Variants in GREB1 observed in about 807,000 individuals in gnomAD.
GREB1 encodes the protein protein GREB1.
In GREB1, 106 loss-of-function variants were observed where a neutral mutation model predicts 200.7. The observed-to-expected ratio is 0.53, with a 90% CI of 0.45 to 0.62. The LOEUF is 0.62. GREB1 is among the 20% of genes least tolerant of loss of function. The pLI, the probability that GREB1 is intolerant of heterozygous loss-of-function variation, is 0.00. For synonymous variants in GREB1, 1,132 were observed against 1,092.4 expected, an observed-to-expected ratio of 1.04 and a Z score of -0.72; for missense variants, 2,243 against 2,556.8, an observed-to-expected ratio of 0.88 and a Z score of 2.65.
intron 2 of GREB1, chr2:11,561,358 GA>G (rs1483200875): frequency 1.5e-5 from 2 of 129,948 alleles, no homozygotes; most frequent in Non-Finnish European, 3.0e-5. Context: ...TTCCCTTGGG[GA>G]TATTTTTTTT....
intron 1 of GREB1, among the ~76,000 whole-genome samples, chr2:11,518,961 G>A (rs1166596487): frequency 2.0e-5 from 3 of 151,750 alleles, no homozygotes; most frequent in African/African-American, 7.3e-5. Flanking sequence ...TTAGTTGGGC[G>A]TGGTGGTAGG....
intron 17 of GREB1, among the ~76,000 whole-genome samples, chr2:11,607,585 C>CATATATACAT: frequency 9.7e-6 from 1 of 102,608 alleles, no homozygotes; most frequent in East Asian, 2.5e-4. Context: ...CACATATATA[C>CATATATACAT]ATATATACAT....
rs1445553665 is a variant in GREB1 at position 11,610,685 on chromosome 2, C to A, written c.2667-3C>A. 9 of 1,604,958 alleles carry A rather than the reference C, an allele frequency of 5.6e-6. No homozygotes were observed. Among genetic ancestry groups the A allele is most frequent in the Non-Finnish European group, 7.7e-6 (9 of 1,175,026 alleles). On this transcript the variant is annotated splice_polypyrimidine_tract_variant and splice_region_variant and intron_variant, in intron 17 of 32. Transcript: ENST00000381486. ...AGACATGGTCTCTCTGTGTTCCTTGCAGGTTCCCCCGCCTGCACAGCGCGG... is the reference window on the plus strand; with the variant it reads ...AGACATGGTCTCTCTGTGTTCCTTGAAGGTTCCCCCGCCTGCACAGCGCGG...
intron 3 of GREB1, among the ~76,000 whole-genome samples, chr2:11,564,353 A>C (rs889396427): frequency 2.6e-5 from 4 of 152,108 alleles, no homozygotes; most frequent in African/African-American, 9.7e-5. Flanking sequence ...TAGTGTCCAA[A>C]TATTTAAAAG....
intron 19 of GREB1, among the ~76,000 whole-genome samples, chr2:11,613,720 C>T (rs1683137544): frequency 6.6e-6 from 1 of 152,198 alleles, no homozygotes; most frequent in Non-Finnish European, 1.5e-5. Context: ...TAAATTTTAG[C>T]AAGCATTTGC....
chr2:11,596,771 GTGA>G (rs1482418852), intron 13 of GREB1, among the ~76,000 whole-genome samples: 12 of 125,958 alleles, frequency 9.5e-5, no homozygotes, highest in African/African-American at 3.8e-4. Context: ...GGTGTACACA[GTGA>G]GGGGGGTGGG....
chr2:11,605,813 A>G (rs1295843869), intron 17 of GREB1, among the ~76,000 whole-genome samples: 4 of 152,200 alleles, frequency 2.6e-5, no homozygotes. Flanking sequence ...CTAGAATAGA[A>G]TACTATCGTA....
chr2:11,616,166 A>G (rs1018088438), intron 20 of GREB1, among the ~76,000 whole-genome samples: 1 of 152,220 alleles, frequency 6.6e-6, no homozygotes. Flanking sequence ...TGCACTGAGC[A>G]CTGGCCCACG....
chr2:11,610,974 G>A lies in GREB1; in HGVS notation c.2953G>A (p.Gly985Ser), dbSNP rs1322347459. ...ALEEHFEIILGSPSSGVTVGK... is the reference protein window; with the variant it reads ...ALEEHFEIILSSPSSGVTVGK... ...GGAGGAGCACTTTGAGATCATCCTG[G>A]GCAGTCCCAGCTCAGGCGTCACCGT... The change falls in exon 18 of 33, where the codon GGC becomes AGC. Residue 985 changes from glycine to serine, a missense_variant. This residue lies in a region of GREB1 where 1,178 missense variants were observed against 1,387.4 expected (regional missense o/e 0.85). Coordinates refer to ENST00000381486, the MANE Select transcript of GREB1 (RefSeq NM_014668.4). 6.2e-7 allele frequency: 1 copy of A among 1,607,870 alleles called. No homozygotes were observed. Among genetic ancestry groups the A allele is most frequent in the Non-Finnish European group, 8.5e-7 (1 of 1,177,500 alleles).
At chr2:11,591,254 A>T in intron 10 of GREB1, 1 of 610,290 alleles carries the variant, frequency 1.6e-6, no homozygotes, top group East Asian at 2.9e-5. Context: ...AAATTCTGGC[A>T]CGGCCCACAG....
intron 18 of GREB1, among the ~76,000 whole-genome samples, chr2:11,611,435 C>T (rs957414079): frequency 6.6e-6 from 1 of 152,158 alleles, no homozygotes; most frequent in Non-Finnish European, 1.5e-5. Context: ...ACCTCAGGCT[C>T]CTGAGTAGCT....
At chr2:11,545,413 T>A (rs1317881431) in intron 1 of GREB1, among the ~76,000 whole-genome samples, 1 of 152,188 alleles carries the variant, frequency 6.6e-6, no homozygotes, top group East Asian at 1.9e-4. Flanking sequence ...ACTACAGGCA[T>A]GAGCCACTGC....
chr2:11,638,943 C>A, intron 32 of GREB1, 134 bp downstream of exon 32: 1 of 878,904 alleles, frequency 1.1e-6, no homozygotes, highest in Non-Finnish European at 1.7e-6. Flanking sequence ...AAGTGACTGC[C>A]TCAGCCACCC....
Position 11,578,205 on chromosome 2 carries a change from T to C in GREB1, c.638-92T>C, listed in dbSNP as rs538098096. 10 of 1,381,306 alleles carry C rather than the reference T, an allele frequency of 7.2e-6. No individual in the cohort carries two copies. The South Asian group carries it at 1.2e-4, about 16-fold the overall frequency. The allele number at this position is 1,381,306 out of a possible 1,614,324, so 85.6% of individuals were successfully genotyped here. On this transcript the variant is annotated intron_variant, in intron 5 of 32. Coordinates refer to ENST00000381486, the MANE Select transcript of GREB1 (RefSeq NM_014668.4). ...TTGTGTGGCTGTCTCCATAGCTCAC[T>C]GTCCTGTAGGACACGTTCCACTCCA...
intron 1 of GREB1, among the ~76,000 whole-genome samples, chr2:11,518,825 G>A (rs1017111496): frequency 1.8e-4 from 27 of 152,044 alleles, no homozygotes; most frequent in Non-Finnish European, 2.6e-4. Context: ...CCCGCCAGGC[G>A]AGGTGGCTCA....
At chr2:11,518,596 A>G (rs1327095394) in intron 1 of GREB1, among the ~76,000 whole-genome samples, 6 of 152,162 alleles carry the variant, frequency 3.9e-5, no homozygotes, top group Non-Finnish European at 8.8e-5. Context: ...CCTGGCCTCC[A>G]GATGCATTTG....
At chr2:11,616,864 G>A in intron 21 of GREB1, 144 bp downstream of exon 21, 1 of 632,494 alleles carries the variant, frequency 1.6e-6, no homozygotes, top group South Asian at 1.9e-5. Context: ...TGAAGTGCTA[G>A]ACTCTCTAGA....
At chr2:11,613,244 A>G (rs1333897037) in intron 19 of GREB1, among the ~76,000 whole-genome samples, 1 of 152,096 alleles carries the variant, frequency 6.6e-6, no homozygotes, top group Non-Finnish European at 1.5e-5. Flanking sequence ...CTCGAGACTC[A>G]GGTCCCTGGG....
intron 1 of GREB1, among the ~76,000 whole-genome samples, chr2:11,484,610 A>G (rs546285554): frequency 1.3e-5 from 2 of 148,266 alleles, no homozygotes; most frequent in East Asian, 3.9e-4. Context: ...AAAAAAAAAG[A>G]AAGAAAGAAA....
Sources: allele counts gnomAD v4.1 joint callset (sites outside exome capture counted in the v4.1 genomes callset), GRCh38; gene constraint gnomAD v4.1.1; regional missense constraint gnomAD v4.1.1; transcripts MANE v1.5; gene names NCBI Gene and HGNC (gene_info 2026-07-23, HGNC 2026-07-21).